TMPRSS4: variants seen among roughly 807,000 people sequenced by gnomAD.
TMPRSS4 encodes transmembrane serine protease 4, also known as transmembrane protease serine 4.
In TMPRSS4, 45 loss-of-function variants were observed where a neutral mutation model predicts 56.4. That is an observed-to-expected ratio of 0.80 (90% CI 0.63 to 1.02). The LOEUF (loss-of-function observed/expected upper bound fraction) is 1.02, where lower values mean the gene tolerates loss of function less well. TMPRSS4 is among the 50% of genes least tolerant of loss of function. The pLI is 0.00. For synonymous variants in TMPRSS4, 205 were observed against 211.0 expected (o/e 0.97, Z 0.25); for missense variants, 546 against 556.7 (o/e 0.98, Z 0.19).
chr11:118,111,866 C>G lies in TMPRSS4; in HGVS notation c.709C>G (p.Pro237Ala), dbSNP rs1178508843. The change falls in exon 8 of 13, where the codon CCC becomes GCC. Residue 237 changes from proline to alanine, a missense_variant. By Grantham distance (27) the Pro-to-Ala change is conservative (BLOSUM62 -1). Transcript: ENST00000437212. ...CGTCTGTGGAGGGAGCATCCTGGACCCCCACTGGGTCCTCACGGCAGCCCA... is the reference window on the plus strand; with the variant it reads ...CGTCTGTGGAGGGAGCATCCTGGACGCCCACTGGGTCCTCACGGCAGCCCA... ...QHVCGGSILD[P>A]HWVLTAAHCF... 1 of 1,609,684 alleles carries G rather than the reference C, an allele frequency of 6.2e-7. No individual in the cohort carries two copies. The highest frequency in any genetic ancestry group is 1.1e-5 in the South Asian group (1 of 90,146).
intron 1 of TMPRSS4, among the ~76,000 whole-genome samples, chr11:118,081,795 A>G (rs1463880679): frequency 2.0e-5 from 3 of 151,080 alleles, no homozygotes; most frequent in Admixed American, 2.0e-4. Context: ...CTGAGCATCT[A>G]CTATGTGCTA....
chr11:118,114,233 T>C (rs371568400), intron 9 of TMPRSS4, among the ~76,000 whole-genome samples: 8 of 152,232 alleles, frequency 5.3e-5, no homozygotes, highest in African/African-American at 1.9e-4. Flanking sequence ...TGAGCCCTGG[T>C]GTGTGTTTCA....
chr11:118,111,849 G>T lies in TMPRSS4; in HGVS notation c.692G>T (p.Gly231Val), dbSNP rs773169191. ...SIQYDKQHVCGGSILDPHWVL... is the reference protein window; with the variant it reads ...SIQYDKQHVCVGSILDPHWVL... Reference sequence around the variant, plus strand: ...CAGTACGACAAACAGCACGTCTGTGGAGGGAGCATCCTGGACCCCCACTGG... The same window carrying T: ...CAGTACGACAAACAGCACGTCTGTGTAGGGAGCATCCTGGACCCCCACTGG... The change falls in exon 8 of 13, where the codon GGA (glycine) becomes GTA (valine). Residue 231 changes from glycine (G) to valine (V), a missense_variant. Transcript: ENST00000437212. 11 of 1,609,670 alleles carry T rather than the reference G, an allele frequency of 6.8e-6. No homozygotes were observed. The highest frequency in any genetic ancestry group is 9.3e-6 in the Non-Finnish European group (11 of 1,178,236).
At chr11:118,103,924 C>A (rs2155856) in intron 4 of TMPRSS4, among the ~76,000 whole-genome samples, 18,357 of 152,194 alleles carry the variant, frequency 0.12, 1,729 homozygotes, top group East Asian at 0.35. Flanking sequence ...AAAGAGACTT[C>A]TCAGCCACTT....
chr11:118,110,978 ACT>A (rs1348734419), intron 7 of TMPRSS4, among the ~76,000 whole-genome samples: 1 of 152,186 alleles, frequency 6.6e-6, no homozygotes, highest in African/African-American at 2.4e-5. Flanking sequence ...AGGAGTGGAA[ACT>A]CTACTTTGCC....
At chr11:118,098,953 G>A (rs761051703) in intron 2 of TMPRSS4, 32 bp from the exon 3 acceptor site, 1 of 1,564,940 alleles carries the variant, frequency 6.4e-7, no homozygotes, top group Non-Finnish European at 8.8e-7. Context: ...CTGACTGCAT[G>A]CTCTTCCCCT....
downstream of TMPRSS4, chr11:118,125,261 G>A (rs1182637452): frequency 6.6e-6 from 3 of 456,608 alleles, no homozygotes; most frequent in Non-Finnish European, 8.8e-6. Context: ...ACAGGAAGGA[G>A]CCAGCAGATA....
chr11:118,082,133 C>T lies in TMPRSS4; in HGVS notation c.3+4828C>T, dbSNP rs150869048. On this transcript the variant is annotated intron_variant, in intron 1 of 12. Coordinates refer to ENST00000437212, the MANE Select transcript of TMPRSS4 (RefSeq NM_019894.4). ...GTCTTAAAGAGAATAATAGCTACAG[C>T]GGCAGTATCACATCTCTATCCAAAT... Among the ~76,000 whole-genome samples the T allele has an allele frequency of 6.1e-3, 928 of 152,272 alleles. 6 individuals carry two copies. Among genetic ancestry groups the T allele is most frequent in the African/African-American group, 0.019 (792 of 41,548 alleles).
At chr11:118,108,628 C>G in intron 6 of TMPRSS4, 1 of 556,250 alleles carries the variant, frequency 1.8e-6, no homozygotes. Context: ...CAGGGCCCAG[C>G]ACACAGTAGG....
rs1233718891 is a variant in TMPRSS4, at chr11:118,120,989, A to T, written c.*3076A>T. 6.6e-6 allele frequency: 1 copy of T among 152,232 alleles called. No individual in the cohort carries two copies. The highest frequency in any genetic ancestry group is 1.9e-4 in the East Asian group (1 of 5,202). 9.4% of individuals were successfully genotyped at this position (152,232 alleles called of 1,614,324 possible). The stretch of plus-strand genomic sequence containing the variant: ...ACAAAAAGAAACTCCTTATAGCAGC[A>T]GAGAGAAAACCCAGACCACCCACAG... On this transcript the variant is annotated 3_prime_UTR_variant, in exon 13 of 13. Coordinates refer to ENST00000437212, the MANE Select transcript of TMPRSS4 (RefSeq NM_019894.4).
intron 7 of TMPRSS4, among the ~76,000 whole-genome samples, chr11:118,110,852 G>A (rs961127291): frequency 5.3e-5 from 8 of 152,200 alleles, no homozygotes; most frequent in Admixed American, 1.3e-4. Flanking sequence ...AACAGGCCAC[G>A]AACCAGTGGG....
intron 7 of TMPRSS4, among the ~76,000 whole-genome samples, chr11:118,110,736 C>A (rs1947234061): frequency 6.6e-6 from 1 of 152,172 alleles, no homozygotes; most frequent in Non-Finnish European, 1.5e-5. Flanking sequence ...TAAGGTTGTG[C>A]TCCTACAAGA....
chr11:118,113,528 G>A, intron 9 of TMPRSS4, 93 bp downstream of exon 9: 2 of 1,448,226 alleles, frequency 1.4e-6, no homozygotes, highest in Non-Finnish European at 9.5e-7. Flanking sequence ...GGCACATAAT[G>A]TCTCCTCTCA....
chr11:118,080,439 CCCAGG>C (rs899181942), intron 1 of TMPRSS4, among the ~76,000 whole-genome samples: 2 of 152,160 alleles, frequency 1.3e-5, no homozygotes, highest in African/African-American at 4.8e-5. Flanking sequence ...AAGCTGCATC[CCCAGG>C]CCCTGTCCAT....
At chr11:118,104,358 C>T (rs3819109) in intron 4 of TMPRSS4, among the ~76,000 whole-genome samples, 8,500 of 152,196 alleles carry the variant, frequency 0.056, 598 homozygotes, top group African/African-American at 0.16. Flanking sequence ...TTTAAACAAG[C>T]TGTATATGGT....
chr11:118,117,386 G>A lies in TMPRSS4; in HGVS notation c.1234G>A (p.Gly412Ser). Reference sequence around the variant, plus strand: ...CGTTAGTTGGGGCTATGGCTGCGGGGGCCCGAGCACCCCAGGAGTATACAC... The same window carrying A: ...CGTTAGTTGGGGCTATGGCTGCGGGAGCCCGAGCACCCCAGGAGTATACAC... ...GIVSWGYGCGGPSTPGVYTKV... is the reference protein window; with the variant it reads ...GIVSWGYGCGSPSTPGVYTKV... The change falls in exon 12 of 13, where the codon GGC (glycine) becomes AGC (serine). Residue 412 changes from glycine (G) to serine (S), a missense_variant. Coordinates refer to ENST00000437212, the MANE Select transcript of TMPRSS4 (RefSeq NM_019894.4). The A allele has an allele frequency of 1.9e-6, 3 of 1,614,108 alleles. No individual in the cohort carries two copies. The highest frequency in any genetic ancestry group is 1.6e-4 in the Middle Eastern group (1 of 6,062).
rs1266003306 is a variant in TMPRSS4, at chr11:118,117,926, T to C, written c.*13T>C. 5.0e-6 allele frequency: 8 copies of C among 1,613,112 alleles called. No homozygotes were observed. Among genetic ancestry groups the C allele is most frequent in the Non-Finnish European group, 6.8e-6 (8 of 1,180,040 alleles). On this transcript the variant is annotated 3_prime_UTR_variant, in exon 13 of 13. Coordinates refer to ENST00000437212, the MANE Select transcript of TMPRSS4 (RefSeq NM_019894.4). ...GGCTGAGCTGTAATGCTGCTGCCCC[T>C]TTGCAGTGCTGGGAGCCGCTTCCTT...
intron 3 of TMPRSS4, among the ~76,000 whole-genome samples, chr11:118,100,059 G>A (rs866856846): frequency 2.0e-5 from 3 of 152,106 alleles, no homozygotes; most frequent in African/African-American, 7.2e-5. Context: ...ACCAGACTAG[G>A]AATCAGGACA....
chr11:118,091,148 G>A (rs536064636), intron 1 of TMPRSS4, among the ~76,000 whole-genome samples: 1 of 152,194 alleles, frequency 6.6e-6, no homozygotes, highest in Non-Finnish European at 1.5e-5. Flanking sequence ...TCTCACCCAC[G>A]TAACTAAAAC....
Sources: allele counts gnomAD v4.1 joint callset (sites outside exome capture counted in the v4.1 genomes callset), GRCh38; gene constraint gnomAD v4.1.1; transcripts MANE v1.5; gene names NCBI Gene and HGNC (gene_info 2026-07-23, HGNC 2026-07-21).